Variants in ZGPAT observed in about 807,000 individuals in gnomAD.
ZGPAT encodes the protein zinc finger CCCH-type and G-patch domain containing.
Under a neutral mutation model 47.9 loss-of-function variants are expected in ZGPAT, and 39 were observed. The ratio of observed to expected loss-of-function variants is 0.81; its 90% CI spans 0.63 to 1.06. The LOEUF (loss-of-function observed/expected upper bound fraction) is 1.06. Ranked by LOEUF, ZGPAT falls within the 50% of genes least tolerant of loss-of-function variation. The pLI is 0.00. For synonymous variants in ZGPAT, 348 were observed against 292.9 expected (o/e 1.19, Z -1.92); for missense variants, 717 against 681.4 (o/e 1.05, Z -0.58).
intron 2 of ZGPAT, among the ~76,000 whole-genome samples, chr20:63,717,332 C>CTTTTTTTTTTTTTTTTTTTT (rs1173734420): frequency 1.6e-5 from 1 of 60,972 alleles, no homozygotes; most frequent in Non-Finnish European, 2.8e-5. Context: ...TTTTTCTTTT[C>CTTTTTTTTTTTTTTTTTTTT]TTTTTTTTTT....
Position 63,709,063 on chromosome 20 carries a change from C to G in ZGPAT, c.483C>G (p.Gly161=). 1 of 1,613,448 alleles carries G rather than the reference C, an allele frequency of 6.2e-7. No individual in the cohort carries two copies. The highest frequency in any genetic ancestry group is 8.5e-7 in the Non-Finnish European group (1 of 1,179,998). ...MVVGTEEAED[G]SAGVRVLYLY... is the part of the protein sequence containing the mutation. ...TGGGAACGGAAGAGGCGGAGGATGGCTCGGCGGGTGTCCGTGTGCTTTACC... is the reference window on the plus strand; with the variant it reads ...TGGGAACGGAAGAGGCGGAGGATGGGTCGGCGGGTGTCCGTGTGCTTTACC... The change falls in exon 2 of 7, where the codon GGC becomes GGG. Residue 161 remains glycine, a synonymous_variant. Coordinates refer to ENST00000355969, the MANE Select transcript of ZGPAT (RefSeq NM_181485.3).
At chr20:63,733,796 T>C in intron 4 of ZGPAT, 57 bp downstream of exon 4, 1 of 1,557,024 alleles carries the variant, frequency 6.4e-7, no homozygotes, top group Non-Finnish European at 8.7e-7. Flanking sequence ...CCTGAGAGGC[T>C]CCTGGCCGGT....
intron 2 of ZGPAT, among the ~76,000 whole-genome samples, chr20:63,728,837 C>T (rs554405786): frequency 2.6e-5 from 4 of 152,294 alleles, no homozygotes; most frequent in African/African-American, 7.2e-5. Flanking sequence ...TTTGCTGACT[C>T]AGGAGTAGGA....
In ZGPAT at chr20:63,735,525, T is replaced by G. The variant is rs1191456735; in HGVS notation, c.1358T>G (p.Ile453Ser). 6.6e-7 allele frequency: 1 copy of G among 1,522,424 alleles called. No individual in the cohort carries two copies. Among genetic ancestry groups the G allele is most frequent in the East Asian group, 2.3e-5 (1 of 44,042 alleles). The allele number at this position is 1,522,424 out of a possible 1,614,324, so 94.3% of individuals were successfully genotyped here. A position where few individuals can be genotyped will look rare whatever the true frequency, so the allele number is the denominator to read the frequency against. Residue 453 changes from isoleucine to serine, a missense_variant, in exon 6 of 7, where the codon ATC becomes AGC. Ile to Ser is a moderately radical substitution (Grantham distance 142). Transcript: ENST00000355969. ...EEKIERTQRD[I>S]RSIQEALARN... ...AAGATCGAGCGAACCCAGCGGGACA[T>G]CAGGAGCATCCAGGAGGCTCTCGCC...
intron 4 of ZGPAT, chr20:63,734,191 G>A (rs2091951991): frequency 1.1e-5 from 3 of 273,110 alleles, no homozygotes; most frequent in Non-Finnish European, 2.1e-5. Context: ...CAGCTCTCCA[G>A]AGGGGTGTGT....
intron 2 of ZGPAT, among the ~76,000 whole-genome samples, chr20:63,718,355 G>T (rs1039444338): frequency 6.6e-6 from 1 of 150,928 alleles, no homozygotes. Flanking sequence ...TTTTGAGAAA[G>T]GGTCTTGCTC....
At chr20:63,708,473 A>AAGTGCC in intron 1 of ZGPAT, 80 bp from the exon 2 acceptor site, 4 of 999,624 alleles carry the variant, frequency 4.0e-6, no homozygotes, top group Non-Finnish European at 5.8e-6. Context: ...GGGAAAGGGG[A>AAGTGCC]CGTGCCCGTG....
chr20:63,731,296 CTG>C (rs34963409), intron 2 of ZGPAT, among the ~76,000 whole-genome samples: 29,949 of 151,246 alleles, frequency 0.2, 3,808 homozygotes, highest in East Asian at 0.61. Flanking sequence ...GTGTGTGAGA[CTG>C]TGTGTGTGTG....
chr20:63,732,726 ATGTG>A (rs376552544), intron 2 of ZGPAT, among the ~76,000 whole-genome samples: 1,532 of 148,920 alleles, frequency 0.01, 24 homozygotes, highest in African/African-American at 0.037. Flanking sequence ...GTATGTGTAT[ATGTG>A]TATGTCTGTA....
chr20:63,726,777 T>C (rs1044528949), intron 2 of ZGPAT, among the ~76,000 whole-genome samples: 20 of 152,308 alleles, frequency 1.3e-4, no homozygotes, highest in African/African-American at 4.6e-4. Context: ...TCTGCCCACC[T>C]CGGCCTCCCA....
rs117932284 is a variant in ZGPAT at position 63,720,929 on chromosome 20, G to A, written c.584+11765G>A. On this transcript the variant is annotated intron_variant, in intron 2 of 6. Transcript: ENST00000355969. ...TGTTTGTTGTGGATTGTCGTTTCTC[G>A]TTTGTTTAGTTACTTTCCTGACCTT... Among the ~76,000 whole-genome samples the A allele has an allele frequency of 4.6e-3, 707 of 152,274 alleles. 2 individuals carry two copies. The highest frequency in any genetic ancestry group is 8.1e-3 in the Non-Finnish European group (552 of 68,030).
Position 63,733,723 on chromosome 20 carries a change from C to T in ZGPAT, c.855C>T (p.Asp285=), listed in dbSNP as rs376952807. Residue 285 remains aspartate (D), a synonymous_variant, in exon 4 of 7, where the codon GAC becomes GAT. Transcript: ENST00000355969. The stretch of plus-strand genomic sequence containing the variant: ...ACTCAGACAGCGACGGTACGGGTGA[C>T]TCCAGCTATGCCAGAGGTATGGCAG... The part of the protein sequence containing the change: ...ESDSDSDGTG[D]SSYARVVGSD... 17 of 1,612,270 alleles carry T rather than the reference C, an allele frequency of 1.1e-5. No homozygotes were observed. The African/African-American group carries it at 2.0e-4, about 19-fold the overall frequency.
intron 2 of ZGPAT, among the ~76,000 whole-genome samples, chr20:63,714,975 T>G (rs1271963281): frequency 6.6e-6 from 1 of 152,050 alleles, no homozygotes; most frequent in African/African-American, 2.4e-5. Context: ...CTTTTTTCCT[T>G]TAGATGATCA....
At chr20:63,729,042 T>C (rs1386162041) in intron 2 of ZGPAT, among the ~76,000 whole-genome samples, 3 of 151,180 alleles carry the variant, frequency 2.0e-5, no homozygotes, top group Admixed American at 2.0e-4. Flanking sequence ...TTCTTTTTTT[T>C]TTTTTTTGAG....
rs778419808 is a variant in ZGPAT, at chr20:63,708,921, C to T, written c.341C>T (p.Ala114Val). ...AAAGCAGAGGCGGGGCCAGAATCTG[C>T]GGCAGGTGGGCAGGAGGAGGAAGAG... The part of the protein sequence containing the change: ...VPKAEAGPES[A>V]AGGQEEEEGE... Residue 114 changes from alanine to valine, a missense_variant, in exon 2 of 7, where the codon GCG (alanine) becomes GTG (valine). Ala to Val is a moderately conservative substitution (Grantham distance 64, BLOSUM62 0). Coordinates refer to ENST00000355969, the MANE Select transcript of ZGPAT (RefSeq NM_181485.3). The T allele has an allele frequency of 3.7e-6, 6 of 1,612,052 alleles. No homozygotes were observed. The highest frequency in any genetic ancestry group is 2.2e-5 in the East Asian group (1 of 44,880).
At chr20:63,713,742 G>A (rs1298044953) in intron 2 of ZGPAT, among the ~76,000 whole-genome samples, 1 of 151,422 alleles carries the variant, frequency 6.6e-6, no homozygotes, top group Non-Finnish European at 1.5e-5. Context: ...ATGGTGGCAG[G>A]TGCCTGTAAT....
Position 63,708,670 on chromosome 20 carries a change from G to A in ZGPAT, c.90G>A (p.Ser30=), listed in dbSNP as rs1568780241. The A allele has an allele frequency of 6.2e-7, 1 of 1,612,576 alleles. No individual in the cohort carries two copies. Among genetic ancestry groups the A allele is most frequent in the Non-Finnish European group, 8.5e-7 (1 of 1,179,902 alleles). Residue 30 remains serine, a synonymous_variant, in exon 2 of 7, where the codon TCG becomes TCA. Coordinates refer to ENST00000355969, the MANE Select transcript of ZGPAT (RefSeq NM_181485.3). ...VELALGAGLD[S]SEQADLRQLQ... is the part of the protein sequence containing the mutation. ...TGGCCTTGGGCGCCGGCCTGGATTC[G>A]TCTGAGCAGGCTGACCTGCGCCAGC...
chr20:63,720,682 G>T (rs749096446), intron 2 of ZGPAT, among the ~76,000 whole-genome samples: 13 of 151,882 alleles, frequency 8.6e-5, no homozygotes, highest in Non-Finnish European at 1.3e-4. Flanking sequence ...TTGAACTCCT[G>T]GGCTCAAGCA....
intron 1 of ZGPAT, 68 bp from the exon 2 acceptor site, chr20:63,708,473 ACGTGCCCGTGCC>A (rs144352421): frequency 2.8e-5 from 28 of 999,534 alleles, no homozygotes; most frequent in East Asian, 5.3e-5. Flanking sequence ...GGGAAAGGGG[ACGTGCCCGTGCC>A]CGTGCCCGCC....
Sources: allele counts gnomAD v4.1 joint callset (sites outside exome capture counted in the v4.1 genomes callset), GRCh38; gene constraint gnomAD v4.1.1; transcripts MANE v1.5; gene names NCBI Gene and HGNC (gene_info 2026-07-23, HGNC 2026-07-21).